CERS6: variants seen among roughly 807,000 people sequenced by gnomAD.
CERS6 encodes the protein ceramide synthase 6, also known as LAG1 homolog, ceramide synthase 6.
A neutral mutation model predicts 56.8 loss-of-function variants in CERS6; 26 were observed. The observed-to-expected ratio is 0.46, with a 90% CI of 0.34 to 0.63. The LOEUF (loss-of-function observed/expected upper bound fraction) is 0.63, where lower values mean the gene tolerates loss of function less well. CERS6 is among the 30% of genes least tolerant of loss of function. CERS6 has a pLI of 0.01. For synonymous variants in CERS6, 164 were observed against 173.3 expected, an observed-to-expected ratio of 0.95 and a Z score of 0.42; for missense variants, 415 against 467.5, an observed-to-expected ratio of 0.89 and a Z score of 1.04.
At chr2:168,639,593 G>A (rs1684940034) in intron 4 of CERS6, among the ~76,000 whole-genome samples, 2 of 152,150 alleles carry the variant, frequency 1.3e-5, no homozygotes, top group Non-Finnish European at 2.9e-5. Flanking sequence ...TCTGGGGGAA[G>A]TAATGAGATG....
At chr2:168,664,752 C>G (rs1267776012) in intron 4 of CERS6, among the ~76,000 whole-genome samples, 1 of 152,150 alleles carries the variant, frequency 6.6e-6, no homozygotes, top group East Asian at 1.9e-4. Flanking sequence ...TTGGCCAGCT[C>G]CTTTACTGCA....
At chr2:168,726,747 A>G (rs1163697444) in intron 8 of CERS6, among the ~76,000 whole-genome samples, 1 of 152,230 alleles carries the variant, frequency 6.6e-6, no homozygotes, top group African/African-American at 2.4e-5. Flanking sequence ...GCATTTTTCA[A>G]AATGTGCTGT....
chr2:168,727,912 A>G (rs542036779), intron 8 of CERS6, among the ~76,000 whole-genome samples: 1 of 152,378 alleles, frequency 6.6e-6, no homozygotes, highest in South Asian at 2.1e-4. Context: ...TCTTACATCT[A>G]TCAGCATTGT....
Position 168,456,305 on chromosome 2 carries a change from G to A in CERS6, c.-144G>A, listed in dbSNP as rs561016886. ...CCGCGAGCCTTCGAGAGCAGCGGCC[G>A]CGGAGGAGGCGGCGGCGGCGGGCGG... On this transcript the variant is annotated 5_prime_UTR_variant, in exon 1 of 10. Coordinates refer to ENST00000305747, the MANE Select transcript of CERS6 (RefSeq NM_203463.3). This position sits in a 1 kb window ranked among gnomAD's most constrained non-coding sequence, Gnocchi z 4.1. 6.3e-6 allele frequency: 2 copies of A among 315,488 alleles called. No homozygotes were observed. The highest frequency in any genetic ancestry group is 1.0e-5 in the Non-Finnish European group (2 of 200,120). The allele number at this position is 315,488 out of a possible 1,614,324, so 19.5% of individuals were successfully genotyped here.
intron 4 of CERS6, among the ~76,000 whole-genome samples, chr2:168,689,553 G>A (rs898120012): frequency 6.6e-6 from 1 of 152,114 alleles, no homozygotes; most frequent in Non-Finnish European, 1.5e-5. Flanking sequence ...AGCCTCCCAA[G>A]TAGTTTTATG....
At chr2:168,571,945 A>G (rs1353110968) in intron 3 of CERS6, among the ~76,000 whole-genome samples, 1 of 152,210 alleles carries the variant, frequency 6.6e-6, no homozygotes, top group African/African-American at 2.4e-5. Flanking sequence ...ACAATGTCCT[A>G]GCAGTGGACA....
intron 2 of CERS6, among the ~76,000 whole-genome samples, chr2:168,549,525 C>A (rs1004113410): frequency 9.2e-5 from 14 of 152,080 alleles, no homozygotes; most frequent in Non-Finnish European, 7.4e-5. Flanking sequence ...GTCCCAGCTA[C>A]TCGGGAGGCT....
chr2:168,756,416 T>C (rs898991901), intron 8 of CERS6, among the ~76,000 whole-genome samples: 2 of 152,242 alleles, frequency 1.3e-5, no homozygotes, highest in African/African-American at 4.8e-5. Flanking sequence ...TCTTGAATAT[T>C]TTGTGTACAT....
chr2:168,728,771 C>T (rs1017947682), intron 8 of CERS6, among the ~76,000 whole-genome samples: 2 of 151,274 alleles, frequency 1.3e-5, no homozygotes, highest in Non-Finnish European at 2.9e-5. Context: ...TTTGGGAGGC[C>T]GAGGAGGGCA....
At position 168,756,843 on chromosome 2, in the gene CERS6, T is replaced by A. The variant is rs76076600; in HGVS notation, c.846-8749T>A. Among the ~76,000 whole-genome samples, 1,191 of 152,290 alleles carry A rather than the reference T, an allele frequency of 7.8e-3. 11 individuals carry two copies. Among genetic ancestry groups the A allele is most frequent in the Middle Eastern group, 0.051 (15 of 294 alleles). On this transcript the variant is annotated intron_variant, in intron 8 of 9. Transcript: ENST00000305747. Reference sequence around the variant, plus strand: ...ACTTGGGGAATGTTATTTACATCCCTGTGCTTCCATGTCCTCATATGAAAA... The same window carrying A: ...ACTTGGGGAATGTTATTTACATCCCAGTGCTTCCATGTCCTCATATGAAAA...
intron 3 of CERS6, among the ~76,000 whole-genome samples, chr2:168,618,008 A>G (rs1684360509): frequency 6.6e-6 from 1 of 152,182 alleles, no homozygotes; most frequent in Non-Finnish European, 1.5e-5. Flanking sequence ...ACCAAATCCA[A>G]CAACATGTCA....
intron 1 of CERS6, among the ~76,000 whole-genome samples, chr2:168,470,945 T>TC (rs1219008738): frequency 6.7e-6 from 1 of 149,958 alleles, no homozygotes; most frequent in Non-Finnish European, 1.5e-5. Context: ...AAATTCCAGC[T>TC]CCTCCCAAGG....
At chr2:168,733,608 A>C (rs115978420) in intron 8 of CERS6, among the ~76,000 whole-genome samples, 2,593 of 152,302 alleles carry the variant, frequency 0.017, 68 homozygotes, top group African/African-American at 0.059. Context: ...CATTTAACCA[A>C]ATGCGTATCT....
chr2:168,471,778 C>T (rs1693982072), intron 1 of CERS6, among the ~76,000 whole-genome samples: 1 of 152,176 alleles, frequency 6.6e-6, no homozygotes, highest in African/African-American at 2.4e-5. Context: ...CGCTTAGCTG[C>T]TAGAAACTTC....
At chr2:168,629,942 A>G (rs1269021183) in intron 3 of CERS6, among the ~76,000 whole-genome samples, 1 of 151,494 alleles carries the variant, frequency 6.6e-6, no homozygotes, top group Non-Finnish European at 1.5e-5. Context: ...CAACCTCCTC[A>G]AGTAGGTGGG....
chr2:168,582,666 G>A (rs564360199), intron 3 of CERS6, among the ~76,000 whole-genome samples: 2 of 152,108 alleles, frequency 1.3e-5, no homozygotes, highest in African/African-American at 2.4e-5. Flanking sequence ...TTTATTTTAC[G>A]TGATGCATTA....
intron 1 of CERS6, among the ~76,000 whole-genome samples, chr2:168,490,565 A>G (rs1694352051): frequency 6.6e-6 from 1 of 152,192 alleles, no homozygotes; most frequent in African/African-American, 2.4e-5. Flanking sequence ...TCTTTGTATT[A>G]TTTTGGTAGC....
At chr2:168,596,228 G>A (rs1042567827) in intron 3 of CERS6, among the ~76,000 whole-genome samples, 2 of 152,144 alleles carry the variant, frequency 1.3e-5, no homozygotes, top group African/African-American at 2.4e-5. Context: ...TATAAGATGA[G>A]TGGCTTTGGT....
At chr2:168,684,785 G>A (rs745860244) in intron 4 of CERS6, among the ~76,000 whole-genome samples, 8 of 152,274 alleles carry the variant, frequency 5.3e-5, no homozygotes, top group Middle Eastern at 6.8e-3. Context: ...AACATGCTAA[G>A]CATTAACAGA....
Sources: gnomAD v4.1 joint callset for allele counts (sites outside exome capture counted in the v4.1 genomes callset) on GRCh38, gnomAD v4.1.1 for gene constraint, Gnocchi (gnomAD v3.1) non-coding constraint, MANE v1.5 for transcripts, NCBI Gene and HGNC (gene_info 2026-07-23, HGNC 2026-07-21) for gene names.